Variants in MYT1L observed in about 807,000 individuals in gnomAD.
The protein encoded by MYT1L is myelin transcription factor 1 like.
In MYT1L, 12 loss-of-function variants were observed where a neutral mutation model predicts 126.7. That is an observed-to-expected ratio of 0.09 (90% confidence interval 0.06 to 0.15). The LOEUF (loss-of-function observed/expected upper bound fraction) is 0.15, where lower values mean the gene tolerates loss of function less well. Among genes scored for constraint, MYT1L ranks in the 10% least tolerant of loss-of-function variants. MYT1L has a pLI of 1.00. For missense variants in MYT1L, 979 were observed against 1,585.2 expected (o/e 0.62, Z 6.49); for synonymous variants, 541 against 604.2 (o/e 0.90, Z 1.53).
chr2:1,855,010 T>C (rs1468834015), intron 18 of MYT1L, among the ~76,000 whole-genome samples: 1 of 152,242 alleles, frequency 6.6e-6, no homozygotes, highest in Non-Finnish European at 1.5e-5. Flanking sequence ...GTGGTGCTTC[T>C]AGACCACATA....
At chr2:1,820,134 G>A (rs989537489) in intron 21 of MYT1L, among the ~76,000 whole-genome samples, 9 of 152,206 alleles carry the variant, frequency 5.9e-5, no homozygotes, top group African/African-American at 2.2e-4. Flanking sequence ...CACTCAAGAG[G>A]AGTAAGAAGG....
chr2:1,851,851 G>A (rs1043078611), intron 18 of MYT1L, 148 bp from the exon 19 acceptor site: 2 of 737,472 alleles, frequency 2.7e-6, no homozygotes, highest in African/African-American at 1.8e-5. Context: ...CTCCCTCATG[G>A]AGCTGGAAGT....
chr2:1,953,622 T>C (rs2058081573), intron 8 of MYT1L, among the ~76,000 whole-genome samples: 1 of 152,220 alleles, frequency 6.6e-6, no homozygotes, highest in Admixed American at 6.5e-5. Context: ...AGCTGTTTTC[T>C]TTTTGGTTTT....
chr2:2,154,584 A>C (rs939296155), intron 3 of MYT1L, among the ~76,000 whole-genome samples: 11 of 152,188 alleles, frequency 7.2e-5, no homozygotes, highest in African/African-American at 2.7e-4. Flanking sequence ...GGAGCAGAAA[A>C]CCAAATACCG....
At chr2:1,973,006 A>G (rs2059920832) in intron 8 of MYT1L, among the ~76,000 whole-genome samples, 2 of 152,246 alleles carry the variant, frequency 1.3e-5, no homozygotes, top group African/African-American at 4.8e-5. Context: ...TTGGAACCCT[A>G]AGTTCAACAA....
At position 2,139,627 on chromosome 2, in the gene MYT1L, A is replaced by G. The variant is rs56187475; in HGVS notation, c.-304+33245T>C. ...GCACTCCAGCCTGGGTGACAGAGCG[A>G]CACTCCATCTCAAAAAAATAAAATA... On this transcript the variant is annotated intron_variant, in intron 3 of 24. Transcript: ENST00000647738. Among the ~76,000 whole-genome samples the G allele has an allele frequency of 8.6e-3, 1,304 of 151,840 alleles. 17 individuals carry two copies. Among genetic ancestry groups the G allele is most frequent in the African/African-American group, 0.026 (1,085 of 41,390 alleles).
chr2:2,269,485 T>C (rs1252561005), intron 2 of MYT1L, among the ~76,000 whole-genome samples: 1 of 152,240 alleles, frequency 6.6e-6, no homozygotes, highest in East Asian at 1.9e-4. Flanking sequence ...GAGTGCTTTA[T>C]ATGCAGGCAG....
chr2:2,005,687 C>T (rs111516576), intron 4 of MYT1L, among the ~76,000 whole-genome samples: 4,287 of 149,130 alleles, frequency 0.029, 194 homozygotes, highest in African/African-American at 0.098. Context: ...TTCTTTCCTG[C>T]GTGCCTTCTC....
intron 3 of MYT1L, among the ~76,000 whole-genome samples, chr2:2,126,698 A>G (rs1310319652): frequency 6.6e-6 from 1 of 152,216 alleles, no homozygotes; most frequent in Non-Finnish European, 1.5e-5. Flanking sequence ...TCTACTGGGC[A>G]TGGTCATCTG....
chr2:2,106,367 TG>T (rs1280584624), intron 3 of MYT1L, among the ~76,000 whole-genome samples: 1 of 152,170 alleles, frequency 6.6e-6, no homozygotes, highest in East Asian at 1.9e-4. Flanking sequence ...ATCTCAGCAC[TG>T]TAGGAGGCCG....
At chr2:2,172,729 G>A (rs564894493) in intron 3 of MYT1L, 143 bp downstream of exon 3, 8 of 151,730 alleles carry the variant, frequency 5.3e-5, no homozygotes, top group African/African-American at 1.9e-4. Flanking sequence ...GTCACCAGGA[G>A]CCCCTTGCTG....
In MYT1L at chr2:1,793,910, G is replaced by A. The variant is rs1037005710; in HGVS notation, c.3277-1446C>T. 6.6e-6 allele frequency among the ~76,000 whole-genome samples: 1 copy of A among 152,188 alleles called. No homozygotes were observed. The highest frequency in any genetic ancestry group is 1.5e-5 in the Non-Finnish European group (1 of 68,040). On this transcript the variant is annotated intron_variant, in intron 23 of 24. Transcript: ENST00000647738. This position sits in a 1 kb window ranked among gnomAD's most constrained non-coding sequence, Gnocchi z 4.6. ...GTGGGCCTCGAAGGGCTGCGTGCCC[G>A]GTGCTTGTCTTCCAGAGCGTTCTGT...
At chr2:2,029,321 G>C (rs1479757793) in intron 4 of MYT1L, among the ~76,000 whole-genome samples, 1 of 152,182 alleles carries the variant, frequency 6.6e-6, no homozygotes, top group African/African-American at 2.4e-5. Context: ...AAGGAAAGAG[G>C]TTTAATGGAC....
rs569769902 is a variant in MYT1L at position 1,979,588 on chromosome 2, A to G, written c.56-34T>C. On this transcript the variant is annotated intron_variant, in intron 6 of 24. Coordinates refer to ENST00000647738, the MANE Select transcript of MYT1L (RefSeq NM_001303052.2). This position sits in a 1 kb window ranked among gnomAD's most constrained non-coding sequence, Gnocchi z 4.0. ...AGATGGAAATAGATAAAAATTTACC[A>G]TCTATCACAAGCGACCCTCTTCCAC... is the stretch of plus-strand genomic sequence containing the variant. 41 of 1,611,244 alleles carry G rather than the reference A, an allele frequency of 2.5e-5. No individual in the cohort carries two copies. The highest frequency in any genetic ancestry group is 2.3e-4 in the Admixed American group (14 of 60,004).
intron 22 of MYT1L, among the ~76,000 whole-genome samples, chr2:1,802,111 C>T (rs1461055664): frequency 6.6e-6 from 1 of 152,126 alleles, no homozygotes; most frequent in African/African-American, 2.4e-5. Context: ...CAGAAACCAC[C>T]TGGTCCTGAG....
At chr2:1,998,409 C>T (rs1335968226) in intron 4 of MYT1L, among the ~76,000 whole-genome samples, 2 of 152,164 alleles carry the variant, frequency 1.3e-5, no homozygotes, top group East Asian at 3.9e-4. Context: ...TACAGGGAGT[C>T]ATAATAGGGA....
At chr2:2,193,148 T>C (rs1379307338) in intron 2 of MYT1L, among the ~76,000 whole-genome samples, 1 of 152,064 alleles carries the variant, frequency 6.6e-6, no homozygotes, top group Non-Finnish European at 1.5e-5. Context: ...TGGCTATTTT[T>C]TATATTTTTA....
At chr2:1,988,928 T>C (rs1256169004) in intron 5 of MYT1L, among the ~76,000 whole-genome samples, 5 of 152,200 alleles carry the variant, frequency 3.3e-5, no homozygotes. Context: ...CAAATGCTTG[T>C]GGAATCCATG....
intron 2 of MYT1L, among the ~76,000 whole-genome samples, chr2:2,227,539 T>TCCCAGCTCGTCACACCCAGCC (rs1458404304): frequency 5.3e-5 from 8 of 152,258 alleles, no homozygotes; most frequent in African/African-American, 1.7e-4. Context: ...CCTCATCTCT[T>TCCCAGCTCGTCACACCCAGCC]CCCAGCTCGT....
Sources: gnomAD v4.1 joint callset for allele counts (sites outside exome capture counted in the v4.1 genomes callset) on GRCh38, gnomAD v4.1.1 for gene constraint, Gnocchi (gnomAD v3.1) non-coding constraint, MANE v1.5 for transcripts, NCBI Gene and HGNC (gene_info 2026-07-23, HGNC 2026-07-21) for gene names.